The following ADCY8 variants were observed in gnomAD, a reference collection of about 807,000 sequenced individuals.
ADCY8 encodes the protein adenylate cyclase type 8.
A neutral mutation model predicts 119.7 loss-of-function variants in ADCY8; 51 were observed. The observed-to-expected ratio is 0.43, with a 90% CI of 0.34 to 0.54. The LOEUF is 0.54. Among genes scored for constraint, ADCY8 ranks in the 20% least tolerant of loss-of-function variants. The pLI, the probability that ADCY8 is intolerant of heterozygous loss-of-function variation, is 0.03. For synonymous variants in ADCY8, 665 were observed against 651.0 expected (o/e 1.02, Z -0.33); for missense variants, 1,383 against 1,598.8 (o/e 0.87, Z 2.30).
chr8:130,866,822 A>T (rs10505566), intron 9 of ADCY8, among the ~76,000 whole-genome samples: 8 of 152,126 alleles, frequency 5.3e-5, no homozygotes, highest in African/African-American at 1.7e-4. Context: ...CTCACTCATC[A>T]GTTATTTTTG....
At chr8:131,010,688 T>C (rs1324481154) in intron 1 of ADCY8, among the ~76,000 whole-genome samples, 3 of 152,178 alleles carry the variant, frequency 2.0e-5, no homozygotes, top group Non-Finnish European at 4.4e-5. Flanking sequence ...AAGATGAGGA[T>C]CTATAGTGTC....
At chr8:130,887,871 C>T (rs1298127355) in intron 7 of ADCY8, among the ~76,000 whole-genome samples, 2 of 30,220 alleles carry the variant, frequency 6.6e-5, no homozygotes, top group Admixed American at 9.9e-4. Context: ...CTGATATATT[C>T]ACTATATTCA....
At chr8:131,003,360 A>G (rs558462782) in intron 1 of ADCY8, among the ~76,000 whole-genome samples, 2 of 152,348 alleles carry the variant, frequency 1.3e-5, no homozygotes, top group South Asian at 4.1e-4. Flanking sequence ...ATTTTTGCAC[A>G]AATTTTAAAG....
At chr8:130,947,032 T>A (rs940731924) in intron 3 of ADCY8, among the ~76,000 whole-genome samples, 1 of 152,120 alleles carries the variant, frequency 6.6e-6, no homozygotes, top group Admixed American at 6.5e-5. Flanking sequence ...GATCATCAAG[T>A]CTTTTGATTC....
chr8:130,969,658 T>C (rs1163643503), intron 2 of ADCY8, among the ~76,000 whole-genome samples: 1 of 152,240 alleles, frequency 6.6e-6, no homozygotes, highest in Non-Finnish European at 1.5e-5. Flanking sequence ...CTCTTGGGGC[T>C]GCCAGAGTCT....
chr8:130,922,208 C>CTTTT (rs751799584), intron 5 of ADCY8, among the ~76,000 whole-genome samples: 4 of 129,042 alleles, frequency 3.1e-5, no homozygotes, highest in Non-Finnish European at 5.1e-5. Context: ...AATTCCCTTT[C>CTTTT]TTTTTTTTTT....
At chr8:130,913,693 C>T (rs1027088703) in intron 5 of ADCY8, among the ~76,000 whole-genome samples, 4 of 152,030 alleles carry the variant, frequency 2.6e-5, no homozygotes, top group African/African-American at 9.7e-5. Context: ...GAAAAATAAA[C>T]ATAAAGTGTG....
chr8:130,896,602 C>A (rs1315626422), intron 7 of ADCY8, among the ~76,000 whole-genome samples: 1 of 152,054 alleles, frequency 6.6e-6, no homozygotes, highest in African/African-American at 2.4e-5. Flanking sequence ...GTGATGATGT[C>A]TGTAATGATG....
intron 15 of ADCY8, among the ~76,000 whole-genome samples, chr8:130,788,078 T>C (rs959081185): frequency 6.6e-6 from 1 of 152,226 alleles, no homozygotes; most frequent in African/African-American, 2.4e-5. Context: ...TGACAAGCTA[T>C]AAACTCACAT....
chr8:131,040,426 G>A lies in ADCY8; in HGVS notation c.-93C>T. 2 of 1,370,944 alleles carry A rather than the reference G, an allele frequency of 1.5e-6. No individual in the cohort carries two copies. Among genetic ancestry groups the A allele is most frequent in the Non-Finnish European group, 9.4e-7 (1 of 1,061,982 alleles). The allele number at this position is 1,370,944 out of a possible 1,614,324, so 84.9% of individuals were successfully genotyped here. A position where few individuals can be genotyped will look rare whatever the true frequency, so the allele number is the denominator to read the frequency against. On this transcript the variant is annotated 5_prime_UTR_variant, in exon 1 of 18. Transcript: ENST00000286355. ...CTCAAAGGCGGCCTGGTAGGAGCTT[G>A]GCAAGGATCCTTTTTATCCTAGGCT...
At chr8:130,995,408 T>G (rs1231212364) in intron 1 of ADCY8, among the ~76,000 whole-genome samples, 1 of 152,202 alleles carries the variant, frequency 6.6e-6, no homozygotes, top group African/African-American at 2.4e-5. Flanking sequence ...GTTTTTAAAC[T>G]CTACCTTTTT....
At chr8:131,028,224 T>G (rs923077563) in intron 1 of ADCY8, among the ~76,000 whole-genome samples, 1 of 152,236 alleles carries the variant, frequency 6.6e-6, no homozygotes, top group African/African-American at 2.4e-5. Context: ...GGAAATATAC[T>G]TACATGGTTT....
chr8:131,025,563 C>T (rs575230520), intron 1 of ADCY8, among the ~76,000 whole-genome samples: 9 of 152,314 alleles, frequency 5.9e-5, no homozygotes, highest in East Asian at 3.9e-4. Flanking sequence ...AGACCCTGCT[C>T]TCAAAGAGCA....
At chr8:130,894,121 A>T (rs976662807) in intron 7 of ADCY8, among the ~76,000 whole-genome samples, 4 of 152,106 alleles carry the variant, frequency 2.6e-5, no homozygotes, top group African/African-American at 4.8e-5. Flanking sequence ...ACATGTAGTT[A>T]TTGATGCTTT....
intron 5 of ADCY8, among the ~76,000 whole-genome samples, chr8:130,929,598 G>A (rs895256432): frequency 6.6e-6 from 1 of 152,136 alleles, no homozygotes; most frequent in Admixed American, 6.5e-5. Flanking sequence ...TGAGAATAAT[G>A]TATATTCTGC....
intron 1 of ADCY8, among the ~76,000 whole-genome samples, chr8:131,010,150 A>G (rs1329956196): frequency 6.6e-6 from 1 of 152,216 alleles, no homozygotes; most frequent in East Asian, 1.9e-4. Context: ...TTTCATGTCA[A>G]TATGTCCAAT....
In ADCY8 at chr8:130,849,659, C is replaced by A. The variant is rs1817451018; in HGVS notation, c.2355G>T (p.Arg785=). ...AAATGGATGCAAAGATGATGACGTT[C>A]CGGGCCAAATAGGTCTCATTAATCC... ...CCWINETYLA[R]NVIIFASILI... Residue 785 remains arginine, a synonymous_variant, in exon 10 of 18, where the codon CGG becomes CGT. Transcript: ENST00000286355. The A allele has an allele frequency of 6.2e-7, 1 of 1,613,932 alleles. No homozygotes were observed. The highest frequency in any genetic ancestry group is 1.3e-5 in the African/African-American group (1 of 74,904).
intron 1 of ADCY8, among the ~76,000 whole-genome samples, chr8:130,997,133 C>A (rs1456740142): frequency 1.3e-5 from 2 of 151,970 alleles, no homozygotes; most frequent in Non-Finnish European, 2.9e-5. Context: ...ATTAGCAAAT[C>A]TCTGATGAAT....
At chr8:130,978,673 A>T (rs1822146365) in intron 2 of ADCY8, among the ~76,000 whole-genome samples, 1 of 152,218 alleles carries the variant, frequency 6.6e-6, no homozygotes, top group South Asian at 2.1e-4. Context: ...ACTAAGTTGG[A>T]AACTGCCAAG....
Sources: allele counts gnomAD v4.1 joint callset (sites outside exome capture counted in the v4.1 genomes callset), GRCh38; gene constraint gnomAD v4.1.1; transcripts MANE v1.5; gene names NCBI Gene and HGNC (gene_info 2026-07-23, HGNC 2026-07-21).